Variants in TAF1 observed in about 807,000 individuals in gnomAD.
TAF1 encodes TATA-box binding protein associated factor 1.
A neutral mutation model predicts 138.5 loss-of-function variants in TAF1; 2 were observed. The observed-to-expected ratio is 0.01, with a 90% CI of 0.01 to 0.05. The LOEUF is 0.05. Among genes scored for constraint, TAF1 ranks in the 10% least tolerant of loss-of-function variants. The pLI is 1.00. For synonymous variants in TAF1, 437 were observed against 503.2 expected (o/e 0.87, Z 1.76); for missense variants, 709 against 1,478.0 (o/e 0.48, Z 8.53).
At chrX:71,447,766 C>G (rs931183559) in intron 32 of TAF1, among the ~76,000 whole-genome samples, 2 of 109,545 alleles carry the variant, frequency 1.8e-5, no homozygotes, top group Non-Finnish European at 3.8e-5. Flanking sequence ...TTGTGACTTG[C>G]GTTTCTTCTC....
intron 8 of TAF1, among the ~76,000 whole-genome samples, chrX:71,379,355 A>G (rs2033710962): frequency 9.2e-6 from 1 of 108,474 alleles, no homozygotes; most frequent in African/African-American, 3.4e-5. Flanking sequence ...ACCTCAGGTG[A>G]TCACCCGCCT....
chrX:71,392,883 A>G lies in TAF1; in HGVS notation c.2940A>G (p.Lys980=). 3 of 1,211,067 alleles carry G rather than the reference A, an allele frequency of 2.5e-6. No individual in the cohort carries two copies. Among genetic ancestry groups the G allele is most frequent in the South Asian group, 1.8e-5 (1 of 56,792 alleles). Residue 980 remains lysine, a synonymous_variant, in exon 20 of 38, where the codon AAA becomes AAG. Transcript: ENST00000423759. ...PNKPTQQKDD[K]EPQPVKKTVT... ...TTTTTTGTTTGAGGTAGGATGATAAAGAACCGCAGCCAGTGAAGAAGACAG... is the reference window on the plus strand; with the variant it reads ...TTTTTTGTTTGAGGTAGGATGATAAGGAACCGCAGCCAGTGAAGAAGACAG...
intron 32 of TAF1, among the ~76,000 whole-genome samples, chrX:71,450,328 G>A (rs1452032232): frequency 6.4e-5 from 7 of 109,815 alleles, no homozygotes; most frequent in Admixed American, 9.7e-5. Flanking sequence ...TCAGCCACCC[G>A]AGTAGCTGGG....
intron 13 of TAF1, among the ~76,000 whole-genome samples, chrX:71,494,423 AAAATAAATAAAT>A (rs759740708): frequency 9.1e-6 from 1 of 110,425 alleles, no homozygotes; most frequent in African/African-American, 3.3e-5. Context: ...ACTCTGTCTC[AAAATAAATAAAT>A]AAATAAATAA....
At chrX:71,475,003 G>T (rs998208330) in intron 13 of TAF1, among the ~76,000 whole-genome samples, 2 of 111,661 alleles carry the variant, frequency 1.8e-5, no homozygotes, top group East Asian at 5.6e-4. Flanking sequence ...CCAGGTTTTT[G>T]TCTTAGGAAA....
At chrX:71,388,455 C>T (rs1734325113) in intron 16 of TAF1, 77 bp downstream of exon 16, 1 of 1,122,545 alleles carries the variant, frequency 8.9e-7, no homozygotes. Context: ...AAAGGATAAG[C>T]ATATAGTTAA....
downstream of TAF1, among the ~76,000 whole-genome samples, chrX:71,467,449 C>T (rs1412597566): frequency 1.8e-5 from 2 of 111,523 alleles, no homozygotes; most frequent in Non-Finnish European, 3.8e-5. Flanking sequence ...TTGAGTTTAT[C>T]TGTGCTTATT....
intron 32 of TAF1, among the ~76,000 whole-genome samples, chrX:71,446,269 A>G (rs896631920): frequency 8.9e-6 from 1 of 111,769 alleles, no homozygotes; most frequent in East Asian, 2.8e-4. Context: ...TCTGTAGGAA[A>G]TCTTGATATT....
intron 4 of TAF1, among the ~76,000 whole-genome samples, 196 bp from the exon 5 acceptor site, chrX:71,376,754 G>C (rs1241784414): frequency 9.0e-6 from 1 of 111,180 alleles, no homozygotes; most frequent in African/African-American, 3.3e-5. Flanking sequence ...TACCAGGTAC[G>C]TGGTGAGTTG....
intron 15 of TAF1, 50 bp from the exon 16 acceptor site, chrX:71,388,187 A>T (rs761300135): frequency 4.9e-5 from 59 of 1,195,839 alleles, no homozygotes; most frequent in Non-Finnish European, 6.4e-5. Context: ...CCTAGTGAGG[A>T]CTTTTATCCT....
intron 32 of TAF1, among the ~76,000 whole-genome samples, chrX:71,441,414 A>G (rs1357798652): frequency 7.2e-5 from 8 of 110,962 alleles, no homozygotes; most frequent in South Asian, 7.5e-4. Flanking sequence ...TAAGGATTCA[A>G]TGATACAGTT....
chrX:71,426,383 C>T (rs142801632), intron 32 of TAF1, among the ~76,000 whole-genome samples: 203 of 110,722 alleles, frequency 1.8e-3, no homozygotes, highest in African/African-American at 6.0e-3. Flanking sequence ...GAGAGAACAG[C>T]GATATGTAAA....
chrX:71,382,829 A>T lies in TAF1; in HGVS notation c.1734A>T (p.Gln578His). Residue 578 changes from glutamine (Q) to histidine (H), a missense_variant, in exon 11 of 38, where the codon CAA becomes CAT. Transcript: ENST00000423759. ...ATGATGAGTATTATTATCCCAAGCA[A>T]CAGGGTCTTCGAGGCACCTTTGGAG... is the stretch of plus-strand genomic sequence containing the variant. ...LSNDEYYYPK[Q>H]QGLRGTFGGN... The T allele has an allele frequency of 8.3e-7, 1 of 1,210,639 alleles. No individual in the cohort carries two copies. Among genetic ancestry groups the T allele is most frequent in the Non-Finnish European group, 1.1e-6 (1 of 895,083 alleles).
downstream of TAF1, among the ~76,000 whole-genome samples, chrX:71,469,991 G>A (rs1161205414): frequency 2.7e-5 from 3 of 111,519 alleles, no homozygotes; most frequent in Non-Finnish European, 3.8e-5. Context: ...GTGAGCCACC[G>A]TGCCTGGCCT....
Position 71,459,124 on chromosome X carries a change from A to G in TAF1, c.5065-428A>G, listed in dbSNP as rs1031856286. On this transcript the variant is annotated intron_variant, in intron 35 of 37. Coordinates refer to ENST00000423759, the MANE Select transcript of TAF1 (RefSeq NM_004606.5). ...CCTCCTACAGGCACGTCCCTCAATG[A>G]TGTGCTATTTGTGTTCCTTACTCAG... 9.7e-6 allele frequency: 10 copies of G among 1,027,293 alleles called. No individual in the cohort carries two copies. The Middle Eastern group carries it at 1.1e-3, about 117-fold the overall frequency. The allele number at this position is 1,027,293 out of a possible 1,213,427, so 84.7% of individuals were successfully genotyped here. A position where few individuals can be genotyped will look rare whatever the true frequency, so the allele number is the denominator to read the frequency against.
rs776763125 is a variant in TAF1, at chrX:71,367,454, C to T, written c.121-45C>T. ...GAAATAAGTCCTGTGGTGTGGGAGT[C>T]GTAGGTTTAGTTGTTATCTTCGACT... On this transcript the variant is annotated intron_variant, in intron 1 of 37. Transcript: ENST00000423759. 1.0e-5 allele frequency: 12 copies of T among 1,181,889 alleles called. No homozygotes were observed. The South Asian group carries it at 1.8e-4, about 18-fold the overall frequency.
chrX:71,385,758 G>A (rs183766568), intron 14 of TAF1, among the ~76,000 whole-genome samples: 2 of 111,881 alleles, frequency 1.8e-5, no homozygotes, highest in Admixed American at 1.9e-4. Context: ...TTGCTAACCG[G>A]ATGTTTAGTA....
chrX:71,452,405 C>T (rs1240014155), intron 32 of TAF1, among the ~76,000 whole-genome samples: 3 of 110,841 alleles, frequency 2.7e-5, no homozygotes, highest in Non-Finnish European at 3.8e-5. Context: ...GGCAGAGGTG[C>T]TCCTCACATC....
chrX:71,452,371 A>G (rs1431450962), intron 32 of TAF1, among the ~76,000 whole-genome samples: 3 of 106,943 alleles, frequency 2.8e-5, no homozygotes, highest in African/African-American at 1.0e-4. Context: ...GACGCTCCTC[A>G]CCTCCCAGAC....
Sources: allele counts gnomAD v4.1 joint callset (sites outside exome capture counted in the v4.1 genomes callset), GRCh38; gene constraint gnomAD v4.1.1; transcripts MANE v1.5; gene names NCBI Gene and HGNC (gene_info 2026-07-23, HGNC 2026-07-21).